The following DNAH11 variants were observed in gnomAD, a reference collection of about 807,000 sequenced individuals.
The protein encoded by DNAH11 is dynein axonemal heavy chain 11, also known as axonemal beta dynein heavy chain 11.
DNAH11 carries 442 observed loss-of-function variants against 526.0 expected under a neutral mutation model. The observed-to-expected ratio is 0.84, with a 90% CI of 0.78 to 0.91. The LOEUF is 0.91. Ranked by LOEUF, DNAH11 falls within the 40% of genes least tolerant of loss-of-function variation. DNAH11 has a pLI of 0.00. For synonymous variants in DNAH11, 2,461 were observed against 1,935.9 expected, an observed-to-expected ratio of 1.27 and a Z score of -7.12; for missense variants, 6,989 against 5,448.7, an observed-to-expected ratio of 1.28 and a Z score of -8.90.
chr7:21,784,987 A>G (rs1185235743), intron 58 of DNAH11, among the ~76,000 whole-genome samples: 2 of 152,224 alleles, frequency 1.3e-5, no homozygotes, highest in Admixed American at 6.5e-5. Context: ...TTTGGTCCCC[A>G]CCATTTCTTC....
At chr7:21,632,010 A>G (rs1786637398) in intron 25 of DNAH11, among the ~76,000 whole-genome samples, 1 of 152,192 alleles carries the variant, frequency 6.6e-6, no homozygotes, top group African/African-American at 2.4e-5. Flanking sequence ...GCATCTTGTG[A>G]AATCTAGGTA....
intron 45 of DNAH11, among the ~76,000 whole-genome samples, chr7:21,733,325 T>A (rs1056508293): frequency 5.9e-5 from 9 of 152,042 alleles, no homozygotes; most frequent in Admixed American, 3.3e-4. Flanking sequence ...GAGGCAGAGT[T>A]TGCAGTGAGC....
At chr7:21,670,623 G>A (rs1017024005) in intron 30 of DNAH11, among the ~76,000 whole-genome samples, 2 of 152,124 alleles carry the variant, frequency 1.3e-5, no homozygotes, top group Non-Finnish European at 2.9e-5. Flanking sequence ...TTTGGTAAGA[G>A]TAATGTTTCT....
intron 44 of DNAH11, among the ~76,000 whole-genome samples, chr7:21,723,939 C>T (rs1216153473): frequency 2.6e-5 from 4 of 152,254 alleles, no homozygotes; most frequent in Non-Finnish European, 5.9e-5. Flanking sequence ...CTGTTGATGT[C>T]TGCGTTTGTT....
At chr7:21,577,305 G>A (rs1320312756) in intron 8 of DNAH11, among the ~76,000 whole-genome samples, 3 of 152,204 alleles carry the variant, frequency 2.0e-5, no homozygotes, top group African/African-American at 4.8e-5. Flanking sequence ...CCCTTGCCAG[G>A]AAGAGCTGAG....
At chr7:21,573,515 A>G (rs977009113) in intron 8 of DNAH11, among the ~76,000 whole-genome samples, 2 of 152,198 alleles carry the variant, frequency 1.3e-5, no homozygotes, top group Non-Finnish European at 2.9e-5. Flanking sequence ...CTTTTTTAAA[A>G]AAATGTGTTT....
intron 68 of DNAH11, among the ~76,000 whole-genome samples, chr7:21,858,332 T>A (rs946096268): frequency 2.0e-5 from 3 of 152,156 alleles, no homozygotes. Flanking sequence ...TAAAGATAAA[T>A]ATACAGTTAG....
At chr7:21,840,202 G>A (rs570227367) in intron 65 of DNAH11, among the ~76,000 whole-genome samples, 3 of 152,122 alleles carry the variant, frequency 2.0e-5, no homozygotes, top group African/African-American at 4.8e-5. Flanking sequence ...GTGACATTTC[G>A]ATAAAAAGGA....
At chr7:21,763,839 C>G (rs1269819300) in intron 54 of DNAH11, among the ~76,000 whole-genome samples, 1 of 149,586 alleles carries the variant, frequency 6.7e-6, no homozygotes, top group Non-Finnish European at 1.5e-5. Context: ...TATATATACA[C>G]ACACAATGGA....
chr7:21,685,866 G>C (rs1228247458), intron 32 of DNAH11, among the ~76,000 whole-genome samples: 2 of 152,164 alleles, frequency 1.3e-5, no homozygotes, highest in Admixed American at 6.5e-5. Context: ...TTGTAGGAAT[G>C]GCACTCGTCA....
chr7:21,597,655 G>A (rs754889459), intron 14 of DNAH11, among the ~76,000 whole-genome samples: 2 of 152,180 alleles, frequency 1.3e-5, no homozygotes, highest in Non-Finnish European at 2.9e-5. Flanking sequence ...ACAGCAAGCG[G>A]GGGGTTGGGG....
chr7:21,561,442 G>A (rs955096485), intron 5 of DNAH11: 15 of 290,640 alleles, frequency 5.2e-5, no homozygotes, highest in Admixed American at 1.6e-4. Context: ...GCCTTCATTC[G>A]GAGTTAAAAA....
At chr7:21,565,254 G>A (rs1422541993) in intron 6 of DNAH11, among the ~76,000 whole-genome samples, 1 of 148,222 alleles carries the variant, frequency 6.7e-6, no homozygotes, top group East Asian at 2.1e-4. Context: ...TCCTCACTTG[G>A]CCATCTTCCT....
intron 65 of DNAH11, among the ~76,000 whole-genome samples, chr7:21,833,211 G>A (rs531198580): frequency 1.3e-5 from 2 of 152,252 alleles, no homozygotes; most frequent in South Asian, 2.1e-4. Context: ...TTTCATCAGG[G>A]AATATATGTT....
chr7:21,803,600 CAAA>C (rs5882826), intron 62 of DNAH11, among the ~76,000 whole-genome samples: 2 of 137,600 alleles, frequency 1.5e-5, no homozygotes, highest in African/African-American at 2.7e-5. Context: ...ACCTCCTGCC[CAAA>C]AAAAAAAAAA....
chr7:21,707,817 G>A lies in DNAH11; in HGVS notation c.6665G>A (p.Arg2222Gln), dbSNP rs376900363. 2.5e-5 allele frequency: 40 copies of A among 1,597,540 alleles called. No homozygotes were observed. Among genetic ancestry groups the A allele is most frequent in the Non-Finnish European group, 3.2e-5 (37 of 1,173,436 alleles). ...TTTGGTTTCATACATCATGCTACCC[G>A]AGAATGGAAAGATGGCAAGTAGTAT... ...ELFGFIHHAT[R>Q]EWKDGKIVYS... The change falls in exon 40 of 82, where the codon CGA (arginine) becomes CAA (glutamine). Residue 2222 changes from arginine (R) to glutamine (Q), a missense_variant. Transcript: ENST00000409508.
intron 25 of DNAH11, among the ~76,000 whole-genome samples, chr7:21,625,173 C>A (rs945481652): frequency 3.3e-5 from 5 of 151,822 alleles, no homozygotes; most frequent in African/African-American, 1.2e-4. Flanking sequence ...CTAGGCCTTT[C>A]TTTTGAGGGG....
chr7:21,758,298 T>C (rs1476959524), intron 54 of DNAH11, among the ~76,000 whole-genome samples: 1 of 152,252 alleles, frequency 6.6e-6, no homozygotes, highest in Non-Finnish European at 1.5e-5. Context: ...AACCTTGTAC[T>C]CTGTATCTGA....
At position 21,882,658 on chromosome 7, in the gene DNAH11, A is replaced by T. The variant is rs140598711; in HGVS notation, c.12388-1633A>T. On this transcript the variant is annotated intron_variant, in intron 75 of 81. Transcript: ENST00000409508. ...AAAAAATACAAAAGATTAGCTGGGC[A>T]TGGTGATGCACGCCTGTAGTTCCAG... 6.6e-5 allele frequency among the ~76,000 whole-genome samples: 10 copies of T among 152,260 alleles called. No homozygotes were observed. The East Asian group carries it at 1.9e-3, about 29-fold the overall frequency.
Sources: gnomAD v4.1 joint callset for allele counts (sites outside exome capture counted in the v4.1 genomes callset) on GRCh38, gnomAD v4.1.1 for gene constraint, MANE v1.5 for transcripts, NCBI Gene and HGNC (gene_info 2026-07-23, HGNC 2026-07-21) for gene names.